The following DYNC2I1 variants were observed in gnomAD, a reference collection of about 807,000 sequenced individuals.
DYNC2I1 encodes dynein 2 intermediate chain 1.
DYNC2I1 carries 89 observed loss-of-function variants against 133.4 expected under a neutral mutation model. The ratio of observed to expected loss-of-function variants is 0.67; its 90% CI spans 0.56 to 0.80. DYNC2I1 has a LOEUF of 0.80. Among genes scored for constraint, DYNC2I1 ranks in the 30% least tolerant of loss-of-function variants. The pLI is 0.00. For synonymous variants in DYNC2I1, 504 were observed against 484.3 expected (o/e 1.04, Z -0.54); for missense variants, 1,291 against 1,314.5 (o/e 0.98, Z 0.28).
intron 4 of DYNC2I1, among the ~76,000 whole-genome samples, chr7:158,952,152 G>A (rs2456253): frequency 0.4 from 60,307 of 152,080 alleles, 13,993 homozygotes; most frequent in Non-Finnish European, 0.5. Flanking sequence ...AGGGGCTTCC[G>A]AGGAGGGCGC....
the DYNC2I1 span, among the ~76,000 whole-genome samples, chr7:158,845,549 C>T: frequency 7.2e-5 from 11 of 152,208 alleles, no homozygotes; most frequent in South Asian, 4.1e-4. Flanking sequence ...TTGTTGCTTG[C>T]GTAATTTTTG....
intron 14 of DYNC2I1, among the ~76,000 whole-genome samples, chr7:158,914,779 G>C (rs1253351668): frequency 3.3e-5 from 5 of 152,114 alleles, no homozygotes; most frequent in Admixed American, 2.0e-4. Context: ...CATGGCTGTG[G>C]GTCTCGTCTG....
intron 1 of DYNC2I1, among the ~76,000 whole-genome samples, chr7:158,862,930 T>C: frequency 6.6e-6 from 1 of 151,994 alleles, no homozygotes; most frequent in East Asian, 1.9e-4. Context: ...GAGTTGTTTG[T>C]TCCTCCCGGT....
chr7:158,913,051 G>C lies in DYNC2I1; in HGVS notation c.1657G>C (p.Glu553Gln), dbSNP rs1847647602. 1 of 1,613,504 alleles carries C rather than the reference G, an allele frequency of 6.2e-7. No homozygotes were observed. Among genetic ancestry groups the C allele is most frequent in the Non-Finnish European group, 8.5e-7 (1 of 1,179,704 alleles). The change falls in exon 13 of 25, where the codon GAA becomes CAA. Residue 553 changes from glutamate (E) to glutamine (Q), a missense_variant. Transcript: ENST00000407559. Reference protein sequence around the residue: ...DIQTEEIETREVWTQHPGEST... With the variant: ...DIQTEEIETRQVWTQHPGEST... Reference sequence around the variant, plus strand: ...TCAAACGGAGGAAATAGAGACCAGGGAAGTGTGGACCCAGCACCCGGGAGA... The same window carrying C: ...TCAAACGGAGGAAATAGAGACCAGGCAAGTGTGGACCCAGCACCCGGGAGA...
At chr7:158,875,558 G>A (rs984145534) in intron 3 of DYNC2I1, among the ~76,000 whole-genome samples, 6 of 152,150 alleles carry the variant, frequency 3.9e-5, no homozygotes, top group Admixed American at 2.0e-4. Context: ...TGATGCTTTG[G>A]TGTCATCGGT....
At chr7:158,930,300 C>T (rs951700119) in intron 20 of DYNC2I1, among the ~76,000 whole-genome samples, 155 bp from the exon 21 acceptor site, 1 of 152,142 alleles carries the variant, frequency 6.6e-6, no homozygotes, top group African/African-American at 2.4e-5. Context: ...GAACCTCACC[C>T]AGAGGAAGGG....
chr7:158,913,038 A>T lies in DYNC2I1; in HGVS notation c.1644A>T (p.Glu548Asp). 1 of 1,613,674 alleles carries T rather than the reference A, an allele frequency of 6.2e-7. No individual in the cohort carries two copies. Among genetic ancestry groups the T allele is most frequent in the South Asian group, 1.1e-5 (1 of 91,014 alleles). ...DNVERDIQTE[E>D]IETREVWTQH... ...TTGAAAGAGACATTCAAACGGAGGA[A>T]ATAGAGACCAGGGAAGTGTGGACCC... The change falls in exon 13 of 25, where the codon GAA (glutamate) becomes GAT (aspartate). Residue 548 changes from glutamate (E) to aspartate (D), a missense_variant. By Grantham distance (45) the Glu-to-Asp change is conservative. Transcript: ENST00000407559.
chr7:158,895,556 C>G (rs1017417826), intron 8 of DYNC2I1, among the ~76,000 whole-genome samples: 2 of 152,228 alleles, frequency 1.3e-5, no homozygotes, highest in African/African-American at 2.4e-5. Context: ...TGTAGTGGGT[C>G]TTGACATCAG....
upstream of DYNC2I1, among the ~76,000 whole-genome samples, chr7:158,855,943 T>TC (rs200723674): frequency 4.8e-4 from 69 of 145,040 alleles, no homozygotes; most frequent in African/African-American, 1.3e-3. Flanking sequence ...TCTTTTCTTT[T>TC]TTTTTTTTTT....
At chr7:158,869,529 A>C (rs906813858) in intron 1 of DYNC2I1, 15 of 489,520 alleles carry the variant, frequency 3.1e-5, no homozygotes, top group African/African-American at 2.4e-4. Context: ...ATACAGTCTG[A>C]CACAAGATAT....
rs191531046 is a variant in DYNC2I1, at chr7:158,930,859, G to T, written c.2546+344G>T. Reference sequence around the variant, plus strand: ...ATTTTTGTATTTTTAGTAGAGATGGGGTTTCATCATATTGATCAGGCTGGT... The same window carrying T: ...ATTTTTGTATTTTTAGTAGAGATGGTGTTTCATCATATTGATCAGGCTGGT... On this transcript the variant is annotated intron_variant, in intron 21 of 24. Coordinates refer to ENST00000407559, the MANE Select transcript of DYNC2I1 (RefSeq NM_018051.5). Among the ~76,000 whole-genome samples the T allele has an allele frequency of 2.0e-5, 3 of 152,020 alleles. No homozygotes were observed. In the East Asian group the frequency reaches 5.8e-4, roughly 29 times the overall value.
At chr7:158,859,935 T>C (rs927785612) in intron 1 of DYNC2I1, among the ~76,000 whole-genome samples, 1 of 152,240 alleles carries the variant, frequency 6.6e-6, no homozygotes, top group East Asian at 1.9e-4. Context: ...AATCTAATTA[T>C]GTAACTATTA....
intron 5 of DYNC2I1, among the ~76,000 whole-genome samples, chr7:158,881,476 CAG>C (rs1268270345): frequency 6.6e-6 from 1 of 152,022 alleles, no homozygotes; most frequent in African/African-American, 2.4e-5. Context: ...TATTTTGAGA[CAG>C]AGTCTCGCTC....
chr7:158,891,920 C>T (rs113389360), intron 8 of DYNC2I1, among the ~76,000 whole-genome samples: 1,598 of 113,524 alleles, frequency 0.014, 34 homozygotes, highest in African/African-American at 0.043. Flanking sequence ...AGCACGGCCT[C>T]GTGTGAGGGA....
chr7:158,954,143 G>A (rs1852136685), intron 4 of DYNC2I1, among the ~76,000 whole-genome samples: 1 of 152,162 alleles, frequency 6.6e-6, no homozygotes, highest in Non-Finnish European at 1.5e-5. Flanking sequence ...TCTGCACCTT[G>A]GAAGACGTGC....
intron 14 of DYNC2I1, 49 bp from the exon 15 acceptor site, chr7:158,918,691 T>TAATCCATTGTGAA: frequency 6.3e-7 from 1 of 1,596,022 alleles, no homozygotes; most frequent in Non-Finnish European, 8.6e-7. Context: ...TTGGAAAAGA[T>TAATCCATTGTGAA]AATCCATTGT....
At chr7:158,864,663 A>G (rs1320626782) in intron 1 of DYNC2I1, among the ~76,000 whole-genome samples, 1 of 149,550 alleles carries the variant, frequency 6.7e-6, no homozygotes, top group African/African-American at 2.5e-5. Context: ...TTGAATCACC[A>G]TGCTTGGCTG....
intron 8 of DYNC2I1, among the ~76,000 whole-genome samples, chr7:158,894,688 G>C (rs191574394): frequency 1.2e-3 from 190 of 152,334 alleles, no homozygotes; most frequent in African/African-American, 4.1e-3. Flanking sequence ...CAAGTTTCCA[G>C]CTCTACTGGG....
chr7:158,926,100 G>T, intron 17 of DYNC2I1, 87 bp from the exon 18 acceptor site: 8 of 1,012,874 alleles, frequency 7.9e-6, no homozygotes, highest in Non-Finnish European at 1.1e-5. Context: ...AGACCCAGAA[G>T]CACCTCGTGT....
Sources: gnomAD v4.1 joint callset for allele counts (sites outside exome capture counted in the v4.1 genomes callset) on GRCh38, gnomAD v4.1.1 for gene constraint, MANE v1.5 for transcripts, NCBI Gene and HGNC (gene_info 2026-07-23, HGNC 2026-07-21) for gene names.